The following TCF20 variants were observed in gnomAD, a reference collection of about 807,000 sequenced individuals.
TCF20 encodes SPRE-binding protein.
Under a neutral mutation model 148.6 loss-of-function variants are expected in TCF20, and 3 were observed. That is an observed-to-expected ratio of 0.02 (90% CI 0.01 to 0.05). The LOEUF is 0.05. Among genes scored for constraint, TCF20 ranks in the 10% least tolerant of loss-of-function variants. The pLI, the probability that TCF20 is intolerant of heterozygous loss-of-function variation, is 1.00. For missense variants in TCF20, 2,350 were observed against 2,429.3 expected, an observed-to-expected ratio of 0.97 and a Z score of 0.69; for synonymous variants, 1,049 against 909.5, an observed-to-expected ratio of 1.15 and a Z score of -2.76.
chr22:42,185,515 C>T (rs1937002678), intron 2 of TCF20, among the ~76,000 whole-genome samples: 1 of 151,976 alleles, frequency 6.6e-6, no homozygotes, highest in Non-Finnish European at 1.5e-5. Flanking sequence ...TCATTTTTGG[C>T]CACCAGCAAA....
In TCF20 at chr22:42,211,873, A is replaced by G. The variant is rs1555925303; in HGVS notation, c.3433T>C (p.Tyr1145His). The part of the protein sequence containing the change: ...PLKNDKDGMM[Y>H]GPPVGTYHDP... Reference sequence around the variant, plus strand: ...TGGTAAGTCCCCACTGGTGGGCCATACATCATACCATCTTTGTCATTTTTC... The same window carrying G: ...TGGTAAGTCCCCACTGGTGGGCCATGCATCATACCATCTTTGTCATTTTTC... Residue 1145 changes from tyrosine (Y) to histidine (H), a missense_variant, in exon 2 of 6, where the codon TAT becomes CAT. Tyr to His is a moderately conservative substitution (Grantham distance 83, BLOSUM62 2). Around this residue, in one of 7 missense-constraint regions of TCF20, gnomAD observed 1,641 missense variants for 1,662.6 expected, o/e 0.99. Transcript: ENST00000677622. 10 of 1,614,120 alleles carry G rather than the reference A, an allele frequency of 6.2e-6. No individual in the cohort carries two copies. Among genetic ancestry groups the G allele is most frequent in the Non-Finnish European group, 8.5e-7 (1 of 1,180,024 alleles).
chr22:42,166,577 C>G (rs1229232072), intron 5 of TCF20, among the ~76,000 whole-genome samples: 1 of 150,770 alleles, frequency 6.6e-6, no homozygotes, highest in Non-Finnish European at 1.5e-5. Flanking sequence ...CCCCTGTACT[C>G]CAGCCTGGGC....
upstream of TCF20, chr22:42,274,377 G>A (rs971044171): frequency 6.6e-6 from 1 of 152,360 alleles, no homozygotes; most frequent in Non-Finnish European, 1.5e-5. Context: ...CCCCTGCTTT[G>A]TGCAAGTCTC....
In TCF20 at chr22:42,292,966, G is replaced by A. The variant is rs1301783007; in HGVS notation, c.-37+50513C>T. On this transcript the variant is annotated intron_variant, in intron 1 of 1. Coordinates refer to the TCF20 transcript ENST00000515426. The surrounding 1 kb of genome is among the most constrained non-coding windows in gnomAD (Gnocchi z 4.9). ...GAGTGGCGGGGTTTGAATTTCAGGA[G>A]CTGGGCCTCATAGGCAGGGCAGAAA... Among the ~76,000 whole-genome samples, 1 of 151,410 alleles carries A rather than the reference G, an allele frequency of 6.6e-6. No individual in the cohort carries two copies. The highest frequency in any genetic ancestry group is 2.4e-5 in the African/African-American group (1 of 41,134).
chr22:42,272,492 G>A (rs566555476), upstream of TCF20, among the ~76,000 whole-genome samples: 9 of 152,318 alleles, frequency 5.9e-5, no homozygotes, highest in South Asian at 1.9e-3. Flanking sequence ...CTCAGATGCA[G>A]GGCCCGGGGG....
chr22:42,202,400 A>C (rs1266340298), intron 2 of TCF20, among the ~76,000 whole-genome samples: 2 of 152,226 alleles, frequency 1.3e-5, no homozygotes, highest in Admixed American at 6.5e-5. Context: ...GTCAGTTTTC[A>C]TACTTTGTAT....
At chr22:42,174,861 C>T (rs1302754989) in intron 3 of TCF20, among the ~76,000 whole-genome samples, 2 of 152,024 alleles carry the variant, frequency 1.3e-5, no homozygotes, top group Non-Finnish European at 2.9e-5. Flanking sequence ...CGGTGAAACC[C>T]CGTCTCTACT....
In TCF20 at chr22:42,292,796, G is replaced by T. The variant is rs1314526597; in HGVS notation, c.-37+50683C>A. On this transcript the variant is annotated intron_variant, in intron 1 of 1. Transcript: ENST00000515426. This position sits in a 1 kb window ranked among gnomAD's most constrained non-coding sequence, Gnocchi z 4.9. ...CCTCTGCGCCTCCAGGGCCGGCCGA[G>T]CACTAGCCCAGGCCCAGGAGAATCT... 6.6e-6 allele frequency among the ~76,000 whole-genome samples: 1 copy of T among 151,632 alleles called. No homozygotes were observed. Among genetic ancestry groups the T allele is most frequent in the African/African-American group, 2.4e-5 (1 of 41,232 alleles).
In TCF20 at chr22:42,243,310, A is replaced by AAAAAAAAAAAAAAAAAAAAAAAAAC. The variant is rs1569180401; in HGVS notation, c.-37+27028_-37+27029insGTTTTTTTTTTTTTTTTTTTTTTTT. ...ACTGTCTCAAAAAAAAAAAAAAAAA[A>AAAAAAAAAAAAAAAAAAAAAAAAAC]AAAAAAAAAAAGTCAGGCATGATGG... On this transcript the variant is annotated intron_variant, in intron 1 of 5. Transcript: ENST00000677622. Among the ~76,000 whole-genome samples the AAAAAAAAAAAAAAAAAAAAAAAAAC allele has an allele frequency of 1.2e-4, 17 of 140,946 alleles. 2 individuals carry two copies. The highest frequency in any genetic ancestry group is 4.8e-4 in the African/African-American group (16 of 33,010). 92.5% of individuals were successfully genotyped at this position (140,946 alleles called of 152,430 possible).
Position 42,232,156 on chromosome 22 carries a change from GAC to G in TCF20, c.-36-16817_-36-16816del, listed in dbSNP as rs1177978892. On this transcript the variant is annotated intron_variant, in intron 1 of 5. Transcript: ENST00000677622. ...TTTTACTGTACCTTCTCTATGTTTA[GAC>G]ATATGCAGATACATACTTACCACTC... Among the ~76,000 whole-genome samples the G allele has an allele frequency of 3.3e-5, 5 of 152,022 alleles. No homozygotes were observed. The East Asian group carries it at 9.7e-4, about 29-fold the overall frequency.
chr22:42,214,675 T>C lies in TCF20; in HGVS notation c.631A>G (p.Met211Val), dbSNP rs774478762. ...PASSSSHLQP[M>V]QRPSTLPSSA... The stretch of plus-strand genomic sequence containing the variant: ...GATGGCAGAGTTGAGGGCCGCTGCA[T>C]TGGCTGTAGATGGGATGAGCTGGAT... The change falls in exon 2 of 6, where the codon ATG becomes GTG. Residue 211 changes from methionine to valine, a missense_variant. Met to Val is a conservative substitution (Grantham distance 21). This residue lies in a region of TCF20 where 1,641 missense variants were observed against 1,662.6 expected (regional missense o/e 0.99). Transcript: ENST00000677622. The C allele has an allele frequency of 1.9e-5, 31 of 1,613,996 alleles. No homozygotes were observed. The highest frequency in any genetic ancestry group is 4.5e-5 in the East Asian group (2 of 44,886).
intron 1 of TCF20, among the ~76,000 whole-genome samples, chr22:42,268,204 A>C (rs954823365): frequency 6.6e-6 from 1 of 152,228 alleles, no homozygotes; most frequent in Non-Finnish European, 1.5e-5. Context: ...TATAAAAATA[A>C]AAAGTGATCT....
At chr22:42,327,668 G>A (rs942062279) in intron 1 of TCF20, among the ~76,000 whole-genome samples, 8 of 151,740 alleles carry the variant, frequency 5.3e-5, no homozygotes, top group East Asian at 1.9e-4. Context: ...CTCCTTACCC[G>A]AGACTGAATG....
intron 1 of TCF20, among the ~76,000 whole-genome samples, chr22:42,333,962 C>T (rs956052562): frequency 2.9e-4 from 44 of 152,344 alleles, no homozygotes; most frequent in African/African-American, 1.0e-3. Context: ...TGGAGTTTAG[C>T]AGACTCCTGT....
chr22:42,219,170 G>C (rs1285665126), intron 1 of TCF20, among the ~76,000 whole-genome samples: 2 of 151,422 alleles, frequency 1.3e-5, no homozygotes, highest in African/African-American at 4.9e-5. Flanking sequence ...GATCGCTTGA[G>C]GTCAGGAGTT....
intron 1 of TCF20, among the ~76,000 whole-genome samples, chr22:42,237,553 G>A (rs758280972): frequency 7.9e-5 from 12 of 152,188 alleles, no homozygotes; most frequent in Non-Finnish European, 1.8e-4. Flanking sequence ...ATGGCATTTA[G>A]AATGGTAAAT....
rs1369465585 is a variant in TCF20 at position 42,256,608 on chromosome 22, A to C, written c.-37+13731T>G. On this transcript the variant is annotated intron_variant, in intron 1 of 5. Coordinates refer to ENST00000677622, the MANE Select transcript of TCF20 (RefSeq NM_001378418.1). ...CGAAGACTTTCAACAAGAGAAGATG[A>C]AAATCCTATTCCTGCTATATTTAAA... Among the ~76,000 whole-genome samples the C allele has an allele frequency of 3.3e-5, 5 of 152,230 alleles. No homozygotes were observed. The East Asian group carries it at 9.6e-4, about 29-fold the overall frequency.
chr22:42,249,046 G>T (rs1925148474), intron 1 of TCF20, among the ~76,000 whole-genome samples: 1 of 152,200 alleles, frequency 6.6e-6, no homozygotes, highest in Admixed American at 6.5e-5. Flanking sequence ...TCAGCCAGGA[G>T]CCCAGGGAGT....
chr22:42,161,168 C>T lies in TCF20; in HGVS notation c.*235G>A, dbSNP rs1935428050. On this transcript the variant is annotated 3_prime_UTR_variant, in exon 6 of 6. Coordinates refer to ENST00000677622, the MANE Select transcript of TCF20 (RefSeq NM_001378418.1). ...TGGAGATTGTGTCCATGGAAACAGCCATTCCAACGTCTTGGGTCTTTCTTT... is the reference window on the plus strand; with the variant it reads ...TGGAGATTGTGTCCATGGAAACAGCTATTCCAACGTCTTGGGTCTTTCTTT... The T allele has an allele frequency of 3.0e-6, 2 of 657,146 alleles. No homozygotes were observed. The highest frequency in any genetic ancestry group is 5.0e-6 in the Non-Finnish European group (2 of 400,630). The allele number at this position is 657,146 out of a possible 1,614,324, so 40.7% of individuals were successfully genotyped here. A position where few individuals can be genotyped will look rare whatever the true frequency, so the allele number is the denominator to read the frequency against.
Sources: allele counts gnomAD v4.1 joint callset (sites outside exome capture counted in the v4.1 genomes callset), GRCh38; gene constraint gnomAD v4.1.1; regional missense constraint gnomAD v4.1.1; non-coding constraint Gnocchi (gnomAD v3.1); transcripts MANE v1.5; gene names NCBI Gene and HGNC (gene_info 2026-07-23, HGNC 2026-07-21).